Variants in NBR1 observed in about 807,000 individuals in gnomAD.
NBR1 encodes the protein NBR1 autophagy cargo receptor.
A neutral mutation model predicts 115.5 loss-of-function variants in NBR1; 59 were observed. The ratio of observed to expected loss-of-function variants is 0.51; its 90% CI spans 0.41 to 0.63. The LOEUF is 0.63. NBR1 is among the 30% of genes least tolerant of loss of function. NBR1 has a pLI of 0.00. For synonymous variants in NBR1, 373 were observed against 414.7 expected, an observed-to-expected ratio of 0.90 and a Z score of 1.22; for missense variants, 1,043 against 1,150.5, an observed-to-expected ratio of 0.91 and a Z score of 1.35.
At chr17:43,207,983 C>A (rs148290226) in intron 20 of NBR1, among the ~76,000 whole-genome samples, 71 of 152,272 alleles carry the variant, frequency 4.7e-4, no homozygotes, top group African/African-American at 1.6e-3. Flanking sequence ...AAGCAAGAAG[C>A]AACCTTTAAG....
In NBR1 at chr17:43,203,678, C is replaced by T. The variant is rs369176477; in HGVS notation, c.2622-3C>T. On this transcript the variant is annotated splice_polypyrimidine_tract_variant and splice_region_variant and intron_variant, in intron 19 of 20. Coordinates refer to ENST00000590996, the MANE Select transcript of NBR1 (RefSeq NM_005899.5). ...GGGGAGATAATTTGGTTTTCCTCTG[C>T]AGGCACCATCATGGGAGCAGCATTG... 46 of 1,600,304 alleles carry T rather than the reference C, an allele frequency of 2.9e-5. No homozygotes were observed. The highest frequency in any genetic ancestry group is 3.8e-5 in the Non-Finnish European group (45 of 1,170,986).
intron 1 of NBR1, among the ~76,000 whole-genome samples, chr17:43,173,455 T>G (rs991464234): frequency 2.6e-5 from 4 of 152,120 alleles, no homozygotes; most frequent in African/African-American, 9.7e-5. Context: ...ACGCAGCTAA[T>G]TTTTGTATTT....
In NBR1 at chr17:43,191,489, G is replaced by A. The variant is rs1027933017; in HGVS notation, c.981G>A (p.Arg327=). 2 of 1,613,172 alleles carry A rather than the reference G, an allele frequency of 1.2e-6. No homozygotes were observed. The highest frequency in any genetic ancestry group is 1.7e-6 in the Non-Finnish European group (2 of 1,179,520). ...KELKKQLKLH[R]KIHLWNSIHG... ...TTAAAAAGCAGCTTAAACTCCATAG[G>A]AAAATTCACCTGTGGAATTCAATCC... is the stretch of plus-strand genomic sequence containing the variant. The change falls in exon 10 of 21, where the codon AGG becomes AGA. Residue 327 remains arginine, a synonymous_variant. Coordinates refer to ENST00000590996, the MANE Select transcript of NBR1 (RefSeq NM_005899.5).
At chr17:43,196,671 C>A in intron 15 of NBR1, 80 bp downstream of exon 15, 1 of 1,108,784 alleles carries the variant, frequency 9.0e-7, no homozygotes, top group Non-Finnish European at 1.3e-6. Flanking sequence ...CCCCTACTGA[C>A]CCTACCTTAG....
chr17:43,174,626 A>T, intron 1 of NBR1, among the ~76,000 whole-genome samples: 1 of 151,766 alleles, frequency 6.6e-6, no homozygotes, highest in Non-Finnish European at 1.5e-5. Context: ...AATATAAAAT[A>T]ATTATATTAT....
At chr17:43,201,955 G>A (rs965188675) in intron 18 of NBR1, among the ~76,000 whole-genome samples, 175 bp downstream of exon 18, 1 of 151,876 alleles carries the variant, frequency 6.6e-6, no homozygotes, top group Admixed American at 6.6e-5. Flanking sequence ...CAAGGCAGGC[G>A]GATCATAGGG....
Position 43,193,246 on chromosome 17 carries a change from A to G in NBR1, c.1226A>G (p.Asp409Gly), listed in dbSNP as rs1203542948. The change falls in exon 11 of 21, where the codon GAC becomes GGC. Residue 409 changes from aspartate to glycine, a missense_variant. Coordinates refer to ENST00000590996, the MANE Select transcript of NBR1 (RefSeq NM_005899.5). ...ACAGGAAATGTAAAGTGGAGTGCAGACACAAAGGTAATTTTTCCCACAAAA... is the reference window on the plus strand; with the variant it reads ...ACAGGAAATGTAAAGTGGAGTGCAGGCACAAAGGTAATTTTTCCCACAAAA... The part of the protein sequence containing the change: ...KNTGNVKWSA[D>G]TKLKFMWGNL... 1.2e-6 allele frequency: 2 copies of G among 1,613,844 alleles called. No homozygotes were observed. Among genetic ancestry groups the G allele is most frequent in the African/African-American group, 2.7e-5 (2 of 74,930 alleles).
chr17:43,200,376 C>G lies in NBR1; in HGVS notation c.2236C>G (p.Leu746Val). 1 of 1,575,586 alleles carries G rather than the reference C, an allele frequency of 6.3e-7. No individual in the cohort carries two copies. The highest frequency in any genetic ancestry group is 8.6e-7 in the Non-Finnish European group (1 of 1,160,670). ...TGAGTGCTTTGATACCAGCCGCCCCCTGGGGGATTCTATGTACAGCTCTGC... is the reference window on the plus strand; with the variant it reads ...TGAGTGCTTTGATACCAGCCGCCCCGTGGGGGATTCTATGTACAGCTCTGC... ...LPECFDTSRP[L>V]GDSMYSSALS... Residue 746 changes from leucine (L) to valine (V), a missense_variant, in exon 17 of 21, where the codon CTG becomes GTG. Physicochemically the swap from Leu to Val is conservative, Grantham distance 32. Coordinates refer to ENST00000590996, the MANE Select transcript of NBR1 (RefSeq NM_005899.5).
intron 8 of NBR1, 60 bp from the exon 9 acceptor site, chr17:43,190,549 C>T: frequency 6.5e-7 from 1 of 1,528,366 alleles, no homozygotes; most frequent in Non-Finnish European, 8.9e-7. Flanking sequence ...GGTCTTATAT[C>T]TCCCTACCCC....
chr17:43,187,289 T>C (rs990567002), intron 6 of NBR1, among the ~76,000 whole-genome samples: 3 of 152,088 alleles, frequency 2.0e-5, no homozygotes, highest in Admixed American at 2.0e-4. Context: ...AACACCATTC[T>C]CCTGCCTCAG....
rs190807385 is a variant in NBR1 at position 43,171,859 on chromosome 17, G to C, written c.-10+557G>C. Among the ~76,000 whole-genome samples the C allele has an allele frequency of 4.9e-4, 74 of 152,212 alleles. 1 individual carries two copies. The East Asian group carries it at 0.011, about 23-fold the overall frequency. The stretch of plus-strand genomic sequence containing the variant: ...TTTCTCAAAGACCAACCCAGGCTGG[G>C]CTTGAACTGCTGAGCTCAAGCGATC... On this transcript the variant is annotated intron_variant, in intron 1 of 20. Coordinates refer to ENST00000590996, the MANE Select transcript of NBR1 (RefSeq NM_005899.5).
In NBR1 at chr17:43,175,782, C is replaced by G. The variant is rs1470315663; in HGVS notation, c.-9-9C>G. On this transcript the variant is annotated splice_polypyrimidine_tract_variant and intron_variant, in intron 1 of 20. Transcript: ENST00000590996. ...TTTCTCTCTCTCCCACCAACCTTCT[C>G]AACCCTAGCCTCACAGCATGGAACC... 7.2e-7 allele frequency: 1 copy of G among 1,390,460 alleles called. No homozygotes were observed. The highest frequency in any genetic ancestry group is 1.4e-5 in the African/African-American group (1 of 70,122). 86.1% of individuals were successfully genotyped at this position (1,390,460 alleles called of 1,614,324 possible).
rs2057204348 is a variant in NBR1 at position 43,201,780 on chromosome 17, G to C, written c.2563G>C (p.Glu855Gln). The change falls in exon 18 of 21, where the codon GAG (glutamate) becomes CAG (glutamine). Residue 855 changes from glutamate (E) to glutamine (Q), a missense_variant and splice_region_variant. Physicochemically the swap from Glu to Gln is conservative, Grantham distance 29. Coordinates refer to ENST00000590996, the MANE Select transcript of NBR1 (RefSeq NM_005899.5). Reference sequence around the variant, plus strand: ...TTCAGTCCCTGATCAGATCAGAGGAGGTAATGATCAGCCTAAGCTTTTTCT... The same window carrying C: ...TTCAGTCCCTGATCAGATCAGAGGACGTAATGATCAGCCTAAGCTTTTTCT... ...VSSVPDQIRG[E>Q]PRGSSGLVNS... 6.5e-7 allele frequency: 1 copy of C among 1,546,506 alleles called. No homozygotes were observed. Among genetic ancestry groups the C allele is most frequent in the East Asian group, 2.2e-5 (1 of 44,532 alleles).
intron 17 of NBR1, 79 bp downstream of exon 17, chr17:43,200,687 G>GT: frequency 1.5e-6 from 2 of 1,315,924 alleles, no homozygotes; most frequent in Non-Finnish European, 2.1e-6. Context: ...CTCAAAACCT[G>GT]TTTTTTCCTC....
At chr17:43,199,116 C>T (rs2057136160) in intron 16 of NBR1, among the ~76,000 whole-genome samples, 2 of 149,504 alleles carry the variant, frequency 1.3e-5, no homozygotes, top group Non-Finnish European at 3.0e-5. Flanking sequence ...GATAAGGTCT[C>T]ACTCGCCCAG....
chr17:43,191,329 T>C, intron 9 of NBR1, 43 bp from the exon 10 acceptor site: 1 of 1,442,368 alleles, frequency 6.9e-7, no homozygotes. Context: ...CTTCAGAATT[T>C]ATTTGTGACT....
At chr17:43,203,620 A>G (rs1297481457) in intron 19 of NBR1, 61 bp from the exon 20 acceptor site, 5 of 1,045,630 alleles carry the variant, frequency 4.8e-6, no homozygotes, top group Admixed American at 4.6e-5. Flanking sequence ...AGCCCAGATT[A>G]TCTTGTAAAA....
intron 19 of NBR1, among the ~76,000 whole-genome samples, chr17:43,203,018 T>C (rs1359585540): frequency 6.6e-6 from 1 of 152,080 alleles, no homozygotes; most frequent in Non-Finnish European, 1.5e-5. Context: ...TAGCCAGGCA[T>C]GGTGGCGGGC....
chr17:43,189,531 C>A, intron 7 of NBR1, 57 bp from the exon 8 acceptor site: 2 of 1,264,940 alleles, frequency 1.6e-6, no homozygotes, highest in East Asian at 2.3e-5. Flanking sequence ...GATATCTTCA[C>A]ATTTTTTTCT....
Sources: allele counts gnomAD v4.1 joint callset (sites outside exome capture counted in the v4.1 genomes callset), GRCh38; gene constraint gnomAD v4.1.1; transcripts MANE v1.5; gene names NCBI Gene and HGNC (gene_info 2026-07-23, HGNC 2026-07-21).